The following AATF variants were observed in gnomAD, a reference collection of about 807,000 sequenced individuals.
The protein encoded by AATF is apoptosis antagonizing transcription factor.
A neutral mutation model predicts 63.7 loss-of-function variants in AATF; 48 were observed. The observed-to-expected ratio is 0.75, with a 90% confidence interval of 0.60 to 0.96. The LOEUF (loss-of-function observed/expected upper bound fraction) is 0.96, where lower values mean the gene tolerates loss of function less well. AATF is among the 40% of genes least tolerant of loss of function. The probability of loss-of-function intolerance (pLI) is 0.00; values close to 1 mark genes in which losing one functional copy is unlikely to be tolerated. For missense variants in AATF, 639 were observed against 685.7 expected (o/e 0.93, Z 0.76); for synonymous variants, 258 against 247.7 (o/e 1.04, Z -0.39).
chr17:37,016,142 C>T (rs927595524), intron 8 of AATF, among the ~76,000 whole-genome samples: 15 of 152,292 alleles, frequency 9.8e-5, no homozygotes, highest in African/African-American at 3.6e-4. Flanking sequence ...TTCTCCATCT[C>T]CTTACTGTCT....
chr17:36,961,222 A>T (rs2070944524), intron 4 of AATF, among the ~76,000 whole-genome samples: 1 of 152,202 alleles, frequency 6.6e-6, no homozygotes, highest in Non-Finnish European at 1.5e-5. Context: ...ATCTGTATTG[A>T]TGGGTGCTTA....
intron 11 of AATF, chr17:37,033,836 A>G (rs956914031): frequency 6.5e-6 from 1 of 154,766 alleles, no homozygotes; most frequent in Admixed American, 6.5e-5. Context: ...CAAGGCAGGA[A>G]GAAGAGGAAA....
chr17:36,984,982 A>G (rs1438754913), intron 4 of AATF, among the ~76,000 whole-genome samples: 2 of 150,446 alleles, frequency 1.3e-5, no homozygotes, highest in African/African-American at 4.9e-5. Context: ...GCTCACTGCA[A>G]CCTCTGCCTC....
intron 8 of AATF, among the ~76,000 whole-genome samples, chr17:37,018,055 G>A (rs966921062): frequency 3.9e-5 from 6 of 152,278 alleles, no homozygotes; most frequent in Admixed American, 6.5e-5. Context: ...TTATCTTAGC[G>A]TCTTCTCTTA....
At chr17:37,025,946 G>A (rs2071507696) in intron 10 of AATF, among the ~76,000 whole-genome samples, 1 of 152,142 alleles carries the variant, frequency 6.6e-6, no homozygotes, top group Non-Finnish European at 1.5e-5. Context: ...AAACATAGTG[G>A]CTTTGCAATA....
At chr17:37,051,693 G>GACACAC (rs1181449819) in intron 11 of AATF, among the ~76,000 whole-genome samples, 14,741 of 139,796 alleles carry the variant, frequency 0.11, 794 homozygotes, top group Non-Finnish European at 0.13. Flanking sequence ...CAGACAGACA[G>GACACAC]ACAGACACAC....
chr17:36,988,736 C>T lies in AATF; in HGVS notation c.1149+16C>T, dbSNP rs971016216. On this transcript the variant is annotated intron_variant, in intron 6 of 11. Coordinates refer to ENST00000619387, the MANE Select transcript of AATF (RefSeq NM_012138.4). ...ACTGGGGAAGGCAAGTGTGTGTATG[C>T]GCGCATGTATGTGTAAGATAGGTTG... The T allele has an allele frequency of 1.4e-5, 23 of 1,611,710 alleles. No homozygotes were observed. The highest frequency in any genetic ancestry group is 2.2e-5 in the East Asian group (1 of 44,882).
In AATF at chr17:36,950,264, G is replaced by A. The variant is rs1181480386; in HGVS notation, c.142G>A (p.Gly48Ser). The change falls in exon 2 of 12, where the codon GGT (glycine) becomes AGT (serine). Residue 48 changes from glycine (G) to serine (S), a missense_variant. Coordinates refer to ENST00000619387, the MANE Select transcript of AATF (RefSeq NM_012138.4). ...GTTTGATGAAGGGGAAGATGGGGAAGGTGATTTCCTAGTAGTGGGTAGCAT... is the reference window on the plus strand; with the variant it reads ...GTTTGATGAAGGGGAAGATGGGGAAAGTGATTTCCTAGTAGTGGGTAGCAT... The part of the protein sequence containing the change: ...DRFDEGEDGE[G>S]DFLVVGSIRK... 2 of 1,614,078 alleles carry A rather than the reference G, an allele frequency of 1.2e-6. No homozygotes were observed. Among genetic ancestry groups the A allele is most frequent in the East Asian group, 2.2e-5 (1 of 44,902 alleles).
At chr17:37,038,233 A>T (rs1273180397) in intron 11 of AATF, among the ~76,000 whole-genome samples, 1 of 152,250 alleles carries the variant, frequency 6.6e-6, no homozygotes, top group African/African-American at 2.4e-5. Context: ...GGAAATAAGC[A>T]TCTGCTTTTT....
intron 8 of AATF, among the ~76,000 whole-genome samples, chr17:37,002,801 G>A (rs772506396): frequency 2.6e-5 from 4 of 151,602 alleles, no homozygotes; most frequent in Non-Finnish European, 5.9e-5. Context: ...ATGGAAAGCT[G>A]TCCCATGTCC....
intron 4 of AATF, among the ~76,000 whole-genome samples, chr17:36,981,524 G>T (rs2071123602): frequency 6.6e-6 from 1 of 151,638 alleles, no homozygotes; most frequent in South Asian, 2.1e-4. Flanking sequence ...GGTCACTGCA[G>T]CCTCGAACTC....
At chr17:36,981,702 C>CTTTTTTTTTTTTTTTTT (rs71368433) in intron 4 of AATF, among the ~76,000 whole-genome samples, 1 of 110,480 alleles carries the variant, frequency 9.1e-6, no homozygotes, top group African/African-American at 3.5e-5. Context: ...TCTTTCTTTT[C>CTTTTTTTTTTTTTTTTT]TTTTTTTTTT....
rs1331477390 is a variant in AATF at position 36,959,521 on chromosome 17, G to GT, written c.832+5622dup. ...AAAATTGTAAGTAAATGTCTTTTTT[G>GT]TTTTTTTTCTTTTCTTTAAGGCAAA... On this transcript the variant is annotated intron_variant, in intron 4 of 11. Transcript: ENST00000619387. Among the ~76,000 whole-genome samples, 7 of 151,818 alleles carry GT rather than the reference G, an allele frequency of 4.6e-5. No individual in the cohort carries two copies. In the East Asian group the frequency reaches 5.8e-4, roughly 13 times the overall value.
At chr17:37,037,009 T>TG (rs2071597885) in intron 11 of AATF, among the ~76,000 whole-genome samples, 2 of 146,386 alleles carry the variant, frequency 1.4e-5, no homozygotes, top group South Asian at 2.1e-4. Context: ...ATCATCTTTT[T>TG]GTTTTTTTTT....
intron 4 of AATF, among the ~76,000 whole-genome samples, chr17:36,977,085 G>A (rs2071085261): frequency 6.6e-6 from 1 of 152,162 alleles, no homozygotes; most frequent in Admixed American, 6.5e-5. Flanking sequence ...ATTAAAGTTA[G>A]GAAGTATGTA....
chr17:36,974,965 A>C (rs1048676808), intron 4 of AATF, among the ~76,000 whole-genome samples: 1 of 152,160 alleles, frequency 6.6e-6, no homozygotes, highest in African/African-American at 2.4e-5. Context: ...TTTAATCTTA[A>C]TTGCCTTAAA....
At chr17:36,954,021 T>G (rs1042026736) in intron 4 of AATF, 114 bp downstream of exon 4, 9 of 1,086,000 alleles carry the variant, frequency 8.3e-6, no homozygotes, top group Non-Finnish European at 1.2e-5. Context: ...TCTTCTCATC[T>G]GCCCTTGCTC....
intron 4 of AATF, among the ~76,000 whole-genome samples, chr17:36,975,689 G>A (rs2071074643): frequency 6.6e-6 from 1 of 152,190 alleles, no homozygotes; most frequent in African/African-American, 2.4e-5. Flanking sequence ...TAGAAGAACA[G>A]TAGGTCAGGA....
chr17:37,015,641 C>T (rs1263429411), intron 8 of AATF, among the ~76,000 whole-genome samples: 2 of 152,130 alleles, frequency 1.3e-5, no homozygotes, highest in South Asian at 2.1e-4. Flanking sequence ...GTTCAACATA[C>T]GGATTTTGGG....
Sources: gnomAD v4.1 joint callset for allele counts (sites outside exome capture counted in the v4.1 genomes callset) on GRCh38, gnomAD v4.1.1 for gene constraint, MANE v1.5 for transcripts, NCBI Gene and HGNC (gene_info 2026-07-23, HGNC 2026-07-21) for gene names.